KDM4B: variants seen among roughly 807,000 people sequenced by gnomAD.
KDM4B encodes lysine demethylase 4B, also known as lysine-specific demethylase 4B.
KDM4B carries 32 observed loss-of-function variants against 125.2 expected under a neutral mutation model. The observed-to-expected ratio is 0.26, with a 90% CI of 0.19 to 0.34. The LOEUF is 0.34. Among genes scored for constraint, KDM4B ranks in the 10% least tolerant of loss-of-function variants. The pLI is 1.00. For missense variants in KDM4B, 1,190 were observed against 1,577.7 expected, an observed-to-expected ratio of 0.75 and a Z score of 4.16; for synonymous variants, 721 against 677.9, an observed-to-expected ratio of 1.06 and a Z score of -0.99.
intron 21 of KDM4B, among the ~76,000 whole-genome samples, chr19:5,145,765 C>T (rs948887317): frequency 6.6e-6 from 1 of 152,136 alleles, no homozygotes; most frequent in African/African-American, 2.4e-5. Context: ...CACATCTGCC[C>T]CATTTGAGGA....
At chr19:5,011,382 C>T (rs556758342) in intron 1 of KDM4B, among the ~76,000 whole-genome samples, 1 of 152,338 alleles carries the variant, frequency 6.6e-6, no homozygotes, top group South Asian at 2.1e-4. Context: ...GTCTCTTTTC[C>T]AGAGCTCCTG....
chr19:5,042,450 A>G (rs2036848432), intron 5 of KDM4B, among the ~76,000 whole-genome samples: 2 of 152,036 alleles, frequency 1.3e-5, no homozygotes, highest in Non-Finnish European at 1.5e-5. Flanking sequence ...CAGTGAGCCA[A>G]GATCGCGCCA....
intron 9 of KDM4B, among the ~76,000 whole-genome samples, chr19:5,101,604 A>G (rs191672821): frequency 6.8e-6 from 1 of 147,446 alleles, no homozygotes; most frequent in African/African-American, 2.5e-5. Flanking sequence ...TTGGGATGCA[A>G]GGGGATAGCG....
At chr19:5,087,639 G>T (rs2038548835) in intron 9 of KDM4B, among the ~76,000 whole-genome samples, 2 of 152,198 alleles carry the variant, frequency 1.3e-5, no homozygotes, top group Admixed American at 1.3e-4. Flanking sequence ...AGGTTTCCCA[G>T]CATCTCCCCT....
At chr19:5,062,775 G>GTTTTT (rs34134889) in intron 6 of KDM4B, among the ~76,000 whole-genome samples, 12 of 89,838 alleles carry the variant, frequency 1.3e-4, no homozygotes, top group Non-Finnish European at 2.1e-4. Context: ...TAATTAAACT[G>GTTTTT]TTTTTTTTTT....
At chr19:5,090,423 T>C (rs1453158470) in intron 9 of KDM4B, among the ~76,000 whole-genome samples, 2 of 55,620 alleles carry the variant, frequency 3.6e-5, no homozygotes, top group African/African-American at 1.6e-4. Flanking sequence ...TCTCCCCCTC[T>C]GTCTCTCTCT....
chr19:5,067,526 G>A (rs1162851165), intron 6 of KDM4B, among the ~76,000 whole-genome samples: 1 of 152,150 alleles, frequency 6.6e-6, no homozygotes, highest in Non-Finnish European at 1.5e-5. Context: ...GGCTCTAGAG[G>A]GTGAGAGGTG....
In KDM4B at chr19:5,035,979, C is replaced by T. The variant is rs58815953; in HGVS notation, c.141+2948C>T. ...GCAGCTGCAGAGTCACGTTGGCACCCGCATGTGGCACACGCACACCCCCTT... is the reference window on the plus strand; with the variant it reads ...GCAGCTGCAGAGTCACGTTGGCACCTGCATGTGGCACACGCACACCCCCTT... On this transcript the variant is annotated intron_variant, in intron 3 of 22. Transcript: ENST00000159111. The surrounding 1 kb of genome is among the most constrained non-coding windows in gnomAD (Gnocchi z 5.3). Among the ~76,000 whole-genome samples, 2,352 of 152,150 alleles carry T rather than the reference C, an allele frequency of 0.015. 67 individuals carry two copies. The highest frequency in any genetic ancestry group is 0.066 in the South Asian group (320 of 4,822).
chr19:5,135,954 C>T (rs920736756), intron 15 of KDM4B, among the ~76,000 whole-genome samples: 2 of 152,238 alleles, frequency 1.3e-5, no homozygotes, highest in Non-Finnish European at 2.9e-5. Flanking sequence ...CCACCCTGTC[C>T]CTGACACCCA....
At chr19:5,148,658 G>A (rs1013819543) in intron 21 of KDM4B, among the ~76,000 whole-genome samples, 3 of 151,982 alleles carry the variant, frequency 2.0e-5, no homozygotes, top group African/African-American at 2.4e-5. Context: ...GTGGCAAAGC[G>A]GAGCCTCCAA....
At chr19:4,972,668 C>CT (rs915838386) in intron 1 of KDM4B, among the ~76,000 whole-genome samples, 57 of 152,254 alleles carry the variant, frequency 3.7e-4, no homozygotes, top group African/African-American at 1.3e-3. Context: ...GCCTTCAGCC[C>CT]TGCAGTAGCT....
chr19:5,077,886 C>T, intron 8 of KDM4B: 1 of 194,108 alleles, frequency 5.2e-6, no homozygotes, highest in Non-Finnish European at 1.1e-5. Context: ...CACCCTAAGT[C>T]TCAGGCACCC....
chr19:4,982,613 TTCTC>T (rs1183672396), intron 1 of KDM4B, among the ~76,000 whole-genome samples: 1 of 148,204 alleles, frequency 6.7e-6, no homozygotes, highest in Non-Finnish European at 1.5e-5. Flanking sequence ...CTCTCTCTCT[TTCTC>T]TCTTTCTTTT....
intron 2 of KDM4B, among the ~76,000 whole-genome samples, chr19:5,022,827 G>A (rs61315057): frequency 6.6e-6 from 1 of 152,012 alleles, no homozygotes; most frequent in South Asian, 2.1e-4. Context: ...CTCTCCAGGT[G>A]GGGGGGCTTG....
Position 5,144,385 on chromosome 19 carries a change from C to T in KDM4B, c.2874C>T (p.Ser958=), listed in dbSNP as rs753771647. 3 of 1,565,142 alleles carry T rather than the reference C, an allele frequency of 1.9e-6. No individual in the cohort carries two copies. Among genetic ancestry groups the T allele is most frequent in the Non-Finnish European group, 2.6e-6 (3 of 1,154,754 alleles). Residue 958 remains serine, a synonymous_variant, in exon 20 of 23, where the codon AGC becomes AGT. Coordinates refer to ENST00000159111, the MANE Select transcript of KDM4B (RefSeq NM_015015.3). ...YEVNFDDGSY[S]DNLYPESITS... ...TGAACTTCGACGATGGCTCCTACAG[C>T]GACAACCTGTACCCTGAGAGCATCA...
intron 9 of KDM4B, among the ~76,000 whole-genome samples, chr19:5,101,733 G>A (rs2038939085): frequency 6.6e-6 from 1 of 151,484 alleles, no homozygotes; most frequent in African/African-American, 2.4e-5. Context: ...GGCTGTGGAT[G>A]CAGGGGAAGG....
rs1468555690 is a variant in KDM4B at position 5,119,819 on chromosome 19, C to G, written c.1282C>G (p.Leu428Val). ...GGAGGAGGAGGAGGAGCCGCAGCCA[C>G]TGCCACACGGCCGGGAGGCCGAGGG... ...PEEEEEEPQP[L>V]PHGREAEGAE... The change falls in exon 11 of 23, where the codon CTG becomes GTG. Residue 428 changes from leucine (L) to valine (V), a missense_variant. Physicochemically the swap from Leu to Val is conservative, Grantham distance 32. This residue lies in a region of KDM4B where 428 missense variants were observed against 405.1 expected (regional missense o/e 1.06). Coordinates refer to ENST00000159111, the MANE Select transcript of KDM4B (RefSeq NM_015015.3). The G allele has an allele frequency of 1.9e-6, 3 of 1,544,728 alleles. No homozygotes were observed. The highest frequency in any genetic ancestry group is 1.7e-6 in the Non-Finnish European group (2 of 1,144,966).
rs1293295370 is a variant in KDM4B at position 5,115,292 on chromosome 19, G to A, written c.1116-4361G>A. Reference sequence around the variant, plus strand: ...CTGGGGGTGCTGGGGGGATGTGGGGGCAACCAGCAGAAGACAGTGGGTGGC... The same window carrying A: ...CTGGGGGTGCTGGGGGGATGTGGGGACAACCAGCAGAAGACAGTGGGTGGC... On this transcript the variant is annotated intron_variant, in intron 10 of 22. Coordinates refer to ENST00000159111, the MANE Select transcript of KDM4B (RefSeq NM_015015.3). This position sits in a 1 kb window ranked among gnomAD's most constrained non-coding sequence, Gnocchi z 4.2. 6.6e-6 allele frequency among the ~76,000 whole-genome samples: 1 copy of A among 152,084 alleles called. No homozygotes were observed. The highest frequency in any genetic ancestry group is 1.5e-5 in the Non-Finnish European group (1 of 68,012).
chr19:4,982,071 A>T (rs1236095865), intron 1 of KDM4B, among the ~76,000 whole-genome samples: 1 of 151,416 alleles, frequency 6.6e-6, no homozygotes, highest in African/African-American at 2.4e-5. Flanking sequence ...TGGGCAGATC[A>T]CCTGAGGTCA....
Sources: gnomAD v4.1 joint callset for allele counts (sites outside exome capture counted in the v4.1 genomes callset) on GRCh38, gnomAD v4.1.1 for gene constraint, gnomAD v4.1.1 regional missense constraint, Gnocchi (gnomAD v3.1) non-coding constraint, MANE v1.5 for transcripts, NCBI Gene and HGNC (gene_info 2026-07-23, HGNC 2026-07-21) for gene names.